ADGB: variants seen among roughly 807,000 people sequenced by gnomAD.
ADGB encodes androglobin.
ADGB carries 172 observed loss-of-function variants against 210.5 expected under a neutral mutation model. The observed-to-expected ratio is 0.82, with a 90% CI of 0.72 to 0.93. The LOEUF (loss-of-function observed/expected upper bound fraction) is 0.93, where lower values mean the gene tolerates loss of function less well. Among genes scored for constraint, ADGB ranks in the 40% least tolerant of loss-of-function variants. ADGB has a pLI of 0.00. For missense variants in ADGB, 2,025 were observed against 1,964.8 expected (o/e 1.03, Z -0.58); for synonymous variants, 658 against 662.7 (o/e 0.99, Z 0.11).
At chr6:146,806,424 T>C (rs539841050) in intron 35 of ADGB, among the ~76,000 whole-genome samples, 45 of 152,204 alleles carry the variant, frequency 3.0e-4, no homozygotes, top group Non-Finnish European at 5.4e-4. Context: ...TCTTGCTGTC[T>C]CTTTCTCTCT....
At position 146,740,578 on chromosome 6, in the gene ADGB, G is replaced by A. The variant is rs1256824193; in HGVS notation, c.3008G>A (p.Trp1003Ter). The change falls in exon 24 of 36, where the codon TGG becomes TAG. Residue 1003 changes from tryptophan (W) to a stop codon, truncating the protein, a stop_gained. Transcript: ENST00000397944. LOFTEE classifies it high-confidence loss of function. Reference protein sequence around the residue: ...VTYQEQPPNSWFIVFRETFLV... With the variant: ...VTYQEQPPNS ...TATCAAGAACAGCCACCAAATTCTT[G>A]GTTTATAGTATTCAGGTGAGGTTGT... is the stretch of plus-strand genomic sequence containing the variant. 3.8e-5 allele frequency: 59 copies of A among 1,550,432 alleles called. No individual in the cohort carries two copies. Among genetic ancestry groups the A allele is most frequent in the Non-Finnish European group, 5.0e-5 (57 of 1,146,468 alleles).
At chr6:146,803,271 T>G (rs1778159234) in intron 35 of ADGB, 3 of 1,602,010 alleles carry the variant, frequency 1.9e-6, no homozygotes, top group Non-Finnish European at 2.6e-6. Flanking sequence ...CTGAGAAACC[T>G]CAGAAAAAAA....
intron 7 of ADGB, among the ~76,000 whole-genome samples, chr6:146,668,141 T>C (rs538355370): frequency 6.6e-6 from 1 of 152,234 alleles, no homozygotes; most frequent in East Asian, 1.9e-4. Flanking sequence ...ATTTTACCAT[T>C]GACATTTGGA....
intron 13 of ADGB, among the ~76,000 whole-genome samples, chr6:146,710,232 A>G (rs1383345752): frequency 6.6e-6 from 1 of 151,666 alleles, no homozygotes; most frequent in Non-Finnish European, 1.5e-5. Context: ...TATTTTTCTA[A>G]TCATCTTCTA....
intron 1 of ADGB, among the ~76,000 whole-genome samples, chr6:146,620,974 T>A (rs1780882822): frequency 6.6e-6 from 1 of 152,168 alleles, no homozygotes; most frequent in African/African-American, 2.4e-5. Flanking sequence ...TAAACACTGC[T>A]CTACTGTTGC....
Position 146,729,168 on chromosome 6 carries a change from C to A in ADGB, c.2520+427C>A, listed in dbSNP as rs547073229. On this transcript the variant is annotated intron_variant, in intron 20 of 35. Coordinates refer to ENST00000397944, the MANE Select transcript of ADGB (RefSeq NM_024694.4). ...AGCAGCATTCTAGCTTCACAGGCAG[C>A]CTTGAGGGGGTGAAGCAAAGAGACT... Among the ~76,000 whole-genome samples the A allele has an allele frequency of 2.1e-3, 326 of 152,256 alleles. 1 individual carries two copies. Among genetic ancestry groups the A allele is most frequent in the Non-Finnish European group, 3.5e-3 (236 of 68,014 alleles).
intron 27 of ADGB, among the ~76,000 whole-genome samples, chr6:146,762,174 A>T (rs564914781): frequency 1.3e-5 from 2 of 151,888 alleles, no homozygotes; most frequent in South Asian, 4.2e-4. Flanking sequence ...TCACTATTTC[A>T]CTTCCCACAA....
At chr6:146,629,076 T>C (rs1781021740) in intron 1 of ADGB, among the ~76,000 whole-genome samples, 1 of 152,118 alleles carries the variant, frequency 6.6e-6, no homozygotes. Flanking sequence ...AAAAGTAATA[T>C]ATTATAAAAG....
At chr6:146,767,737 A>G (rs1200587405) in intron 28 of ADGB, among the ~76,000 whole-genome samples, 2 of 145,808 alleles carry the variant, frequency 1.4e-5, no homozygotes, top group African/African-American at 2.4e-5. Flanking sequence ...AGCCTCTTGA[A>G]GTAAGTATTC....
chr6:146,806,436 T>C (rs1487696831), intron 35 of ADGB, among the ~76,000 whole-genome samples: 1 of 152,218 alleles, frequency 6.6e-6, no homozygotes, highest in Non-Finnish European at 1.5e-5. Flanking sequence ...TTTCTCTCTT[T>C]AATATGTCAC....
At chr6:146,751,972 T>G (rs1777329386) in intron 26 of ADGB, among the ~76,000 whole-genome samples, 1 of 152,186 alleles carries the variant, frequency 6.6e-6, no homozygotes, top group African/African-American at 2.4e-5. Context: ...TTTCAGGATG[T>G]TAGTGAACTT....
Position 146,716,951 on chromosome 6 carries a change from G to C in ADGB, c.1810G>C (p.Glu604Gln), listed in dbSNP as rs1458402723. ...HQSDGLNLER[E>Q]IVSQTTATQE... is the part of the protein sequence containing the mutation. The stretch of plus-strand genomic sequence containing the variant: ...GAGTGATGGATTAAACTTGGAAAGA[G>C]AGATAGTCAGCCAGACCACAGCAAC... The change falls in exon 15 of 36, where the codon GAG becomes CAG. Residue 604 changes from glutamate to glutamine, a missense_variant. Transcript: ENST00000397944. 2 of 1,551,628 alleles carry C rather than the reference G, an allele frequency of 1.3e-6. No homozygotes were observed. Among genetic ancestry groups the C allele is most frequent in the South Asian group, 1.2e-5 (1 of 84,056 alleles).
intron 29 of ADGB, among the ~76,000 whole-genome samples, chr6:146,772,892 C>T (rs1306119916): frequency 2.0e-5 from 3 of 151,926 alleles, no homozygotes; most frequent in Non-Finnish European, 2.9e-5. Flanking sequence ...AGAAATAAAG[C>T]TTTGCTTTGG....
At chr6:146,742,620 G>C (rs559138209) in intron 25 of ADGB, among the ~76,000 whole-genome samples, 1 of 152,086 alleles carries the variant, frequency 6.6e-6, no homozygotes, top group East Asian at 1.9e-4. Context: ...CCTTGAAAGG[G>C]CATTTACATA....
chr6:146,659,355 C>A (rs1259869641), intron 5 of ADGB, among the ~76,000 whole-genome samples: 1 of 152,184 alleles, frequency 6.6e-6, no homozygotes, highest in Non-Finnish European at 1.5e-5. Context: ...TTTCCCGTTT[C>A]CCATCTTATG....
chr6:146,638,754 T>TA (rs35727181), intron 2 of ADGB: 2,003 of 148,740 alleles, frequency 0.013, 23 homozygotes, highest in African/African-American at 0.045. Flanking sequence ...TAAAGTATAA[T>TA]AAAAAAAAAA....
At chr6:146,611,356 G>C (rs1422541835) in intron 1 of ADGB, among the ~76,000 whole-genome samples, 2 of 152,010 alleles carry the variant, frequency 1.3e-5, no homozygotes, top group African/African-American at 4.8e-5. Flanking sequence ...CCACCTAGAG[G>C]AGCATGGGAA....
At chr6:146,738,986 C>T (rs1777122980) in intron 23 of ADGB, among the ~76,000 whole-genome samples, 1 of 152,178 alleles carries the variant, frequency 6.6e-6, no homozygotes, top group Non-Finnish European at 1.5e-5. Flanking sequence ...TTAATTAAGA[C>T]TAAATCTTCC....
chr6:146,806,420 T>A (rs1778213210), intron 35 of ADGB, among the ~76,000 whole-genome samples: 1 of 152,234 alleles, frequency 6.6e-6, no homozygotes. Flanking sequence ...ATTCTCTTGC[T>A]GTCTCTTTCT....
Sources: allele counts gnomAD v4.1 joint callset (sites outside exome capture counted in the v4.1 genomes callset), GRCh38; gene constraint gnomAD v4.1.1; transcripts MANE v1.5; gene names NCBI Gene and HGNC (gene_info 2026-07-23, HGNC 2026-07-21).